NTM: variants seen among roughly 807,000 people sequenced by gnomAD.
The protein encoded by NTM is neurotrimin.
Under a neutral mutation model 42.1 loss-of-function variants are expected in NTM, and 13 were observed. The observed-to-expected ratio is 0.31, with a 90% confidence interval of 0.20 to 0.49. NTM has a LOEUF of 0.49. NTM is among the 20% of genes least tolerant of loss of function. The pLI, the probability that NTM is intolerant of heterozygous loss-of-function variation, is 0.99. For synonymous variants in NTM, 187 were observed against 179.2 expected (o/e 1.04, Z -0.35); for missense variants, 373 against 452.8 (o/e 0.82, Z 1.60).
At chr11:132,142,766 G>T (rs573776433) in intron 2 of NTM, among the ~76,000 whole-genome samples, 1 of 152,160 alleles carries the variant, frequency 6.6e-6, no homozygotes, top group African/African-American at 2.4e-5. Context: ...CATCACAGGA[G>T]CCGCAGAACC....
At chr11:131,626,303 A>G (rs2063099278) in intron 1 of NTM, among the ~76,000 whole-genome samples, 1 of 152,216 alleles carries the variant, frequency 6.6e-6, no homozygotes, top group South Asian at 2.1e-4. Flanking sequence ...AGTGTTAATA[A>G]TTACTAATAC....
chr11:132,154,212 G>T (rs1037431446), intron 3 of NTM, among the ~76,000 whole-genome samples: 1 of 152,144 alleles, frequency 6.6e-6, no homozygotes, highest in Non-Finnish European at 1.5e-5. Context: ...TGGTTGTCCT[G>T]CTAGAATGCT....
chr11:131,778,231 T>C (rs557517150), intron 1 of NTM, among the ~76,000 whole-genome samples: 86 of 152,314 alleles, frequency 5.6e-4, no homozygotes, highest in Non-Finnish European at 7.4e-4. Context: ...GTGGTGATAG[T>C]TGGTGACTGG....
intron 1 of NTM, chr11:131,795,822 T>A: frequency 1.0e-6 from 1 of 985,380 alleles, no homozygotes; most frequent in Non-Finnish European, 1.2e-6. Flanking sequence ...CTCAGAGTGA[T>A]GGAATGCCTG....
At chr11:131,397,182 T>A (rs1313155881) in intron 1 of NTM, among the ~76,000 whole-genome samples, 4 of 152,200 alleles carry the variant, frequency 2.6e-5, no homozygotes, top group African/African-American at 9.7e-5. Context: ...TTTTAATTCA[T>A]TTTTGACTCA....
intron 2 of NTM, among the ~76,000 whole-genome samples, chr11:131,952,360 C>T (rs2134371141): frequency 1.3e-5 from 2 of 152,304 alleles, no homozygotes; most frequent in Middle Eastern, 3.4e-3. Context: ...TAAATACTTC[C>T]TACAAGTTTA....
chr11:131,447,301 C>T (rs756384955), intron 1 of NTM, among the ~76,000 whole-genome samples: 1 of 152,220 alleles, frequency 6.6e-6, no homozygotes, highest in African/African-American at 2.4e-5. Flanking sequence ...CTAGCCGCTG[C>T]TTCTGTTTAT....
At chr11:132,141,953 T>A (rs1463276841) in intron 2 of NTM, among the ~76,000 whole-genome samples, 2 of 152,076 alleles carry the variant, frequency 1.3e-5, no homozygotes, top group African/African-American at 2.4e-5. Flanking sequence ...AGGGCTGCAG[T>A]GCGGGGCAAC....
intron 1 of NTM, among the ~76,000 whole-genome samples, chr11:131,761,571 A>T (rs2084183103): frequency 6.6e-6 from 1 of 152,030 alleles, no homozygotes; most frequent in South Asian, 2.1e-4. Context: ...TGGGCGGCTG[A>T]GGTGGGCAGA....
intron 1 of NTM, among the ~76,000 whole-genome samples, chr11:131,546,425 A>G (rs561447789): frequency 1.3e-5 from 2 of 152,098 alleles, no homozygotes; most frequent in Non-Finnish European, 2.9e-5. Flanking sequence ...ATCGCAAGAG[A>G]CCTGCTTTTA....
At chr11:131,926,235 T>G (rs1242343853) in intron 2 of NTM, among the ~76,000 whole-genome samples, 1 of 152,184 alleles carries the variant, frequency 6.6e-6, no homozygotes, top group East Asian at 1.9e-4. Context: ...GCTGCATTAT[T>G]TTGTTACCTT....
At chr11:132,239,623 A>C (rs2089792835) in intron 4 of NTM, among the ~76,000 whole-genome samples, 1 of 152,212 alleles carries the variant, frequency 6.6e-6, no homozygotes, top group Non-Finnish European at 1.5e-5. Flanking sequence ...CCAACGGTAT[A>C]AATTGGGAAT....
At chr11:131,865,820 C>T (rs556274221) in intron 1 of NTM, among the ~76,000 whole-genome samples, 13 of 149,888 alleles carry the variant, frequency 8.7e-5, no homozygotes, top group African/African-American at 3.2e-4. Context: ...ATGCTACATA[C>T]ACACATGCTA....
chr11:132,185,049 GTTA>G (rs1360194670), intron 3 of NTM, among the ~76,000 whole-genome samples: 12 of 152,264 alleles, frequency 7.9e-5, no homozygotes, highest in Non-Finnish European at 1.8e-4. Flanking sequence ...TATTTGATCT[GTTA>G]TTATCCCACT....
chr11:131,878,920 C>T lies in NTM; in HGVS notation c.83-32644C>T, dbSNP rs184504540. Among the ~76,000 whole-genome samples, 256 of 152,056 alleles carry T rather than the reference C, an allele frequency of 1.7e-3. 1 individual carries two copies. Among genetic ancestry groups the T allele is most frequent in the African/African-American group, 5.9e-3 (245 of 41,490 alleles). On this transcript the variant is annotated intron_variant, in intron 1 of 8. Transcript: ENST00000683400. ...CTAAATACTCCAGTGTTCACCTCCC[C>T]GGAGTAACGGCTCTCACTTCCTTGC...
At chr11:131,948,180 T>G (rs1277113623) in intron 2 of NTM, among the ~76,000 whole-genome samples, 1 of 151,504 alleles carries the variant, frequency 6.6e-6, no homozygotes, top group Non-Finnish European at 1.5e-5. Context: ...GCTAACACAG[T>G]GAAACCCCGT....
chr11:131,870,205 G>A (rs549248637), intron 1 of NTM, among the ~76,000 whole-genome samples: 2 of 152,318 alleles, frequency 1.3e-5, no homozygotes, highest in East Asian at 1.9e-4. Context: ...GAAAGAAAGT[G>A]GATGGGCTTT....
intron 4 of NTM, among the ~76,000 whole-genome samples, chr11:132,252,154 A>G (rs180728813): frequency 8.1e-5 from 12 of 147,670 alleles, no homozygotes; most frequent in Admixed American, 5.4e-4. Context: ...CGTCAGTTCT[A>G]CTTGGCAGGC....
chr11:131,782,905 C>G (rs952038942), intron 1 of NTM, among the ~76,000 whole-genome samples: 3 of 152,094 alleles, frequency 2.0e-5, no homozygotes, highest in African/African-American at 2.4e-5. Context: ...TGAATACTTT[C>G]CCTCTAAGAA....
Sources: gnomAD v4.1 joint callset for allele counts (sites outside exome capture counted in the v4.1 genomes callset) on GRCh38, gnomAD v4.1.1 for gene constraint, MANE v1.5 for transcripts, NCBI Gene and HGNC (gene_info 2026-07-23, HGNC 2026-07-21) for gene names.